TMEM178B: variants seen among roughly 807,000 people sequenced by gnomAD.
The protein encoded by TMEM178B is transmembrane protein 178B.
In TMEM178B, 5 loss-of-function variants were observed where a neutral mutation model predicts 31.0. The observed-to-expected ratio is 0.16, with a 90% CI of 0.08 to 0.34. The LOEUF (loss-of-function observed/expected upper bound fraction) is 0.34. Among genes scored for constraint, TMEM178B ranks in the 10% least tolerant of loss-of-function variants. The pLI, the probability that TMEM178B is intolerant of heterozygous loss-of-function variation, is 1.00. For synonymous variants in TMEM178B, 164 were observed against 164.0 expected (o/e 1.00, Z 0.00); for missense variants, 275 against 400.3 (o/e 0.69, Z 2.67).
chr7:141,435,286 G>T (rs951511600), intron 2 of TMEM178B, among the ~76,000 whole-genome samples: 1 of 152,226 alleles, frequency 6.6e-6, no homozygotes, highest in Non-Finnish European at 1.5e-5. Context: ...TATACATCCT[G>T]TTTAAGGAAG....
intron 1 of TMEM178B, among the ~76,000 whole-genome samples, chr7:141,139,766 G>GTT (rs111634848): frequency 1.1e-4 from 16 of 144,724 alleles, no homozygotes; most frequent in Non-Finnish European, 1.7e-4. Context: ...TTAGAATGAA[G>GTT]TTTTTTTTTT....
Position 141,192,886 on chromosome 7 carries a change from T to A in TMEM178B, c.383-19705T>A, listed in dbSNP as rs546929802. On this transcript the variant is annotated intron_variant, in intron 1 of 3. Coordinates refer to ENST00000565468, the MANE Select transcript of TMEM178B (RefSeq NM_001195278.2). ...CATCTCTGCGATGTGCGTTTTGAAGTCCTAATTCCCAGGGGGGAGGCATCT... is the reference window on the plus strand; with the variant it reads ...CATCTCTGCGATGTGCGTTTTGAAGACCTAATTCCCAGGGGGGAGGCATCT... 2.6e-5 allele frequency among the ~76,000 whole-genome samples: 4 copies of A among 152,366 alleles called. No homozygotes were observed. The East Asian group carries it at 5.8e-4, about 22-fold the overall frequency.
At chr7:141,321,824 AT>A (rs1159749308) in intron 2 of TMEM178B, among the ~76,000 whole-genome samples, 3 of 121,874 alleles carry the variant, frequency 2.5e-5, no homozygotes, top group South Asian at 2.9e-4. Flanking sequence ...CTTGTCCAAC[AT>A]TAAAAAAAAA....
intron 1 of TMEM178B, among the ~76,000 whole-genome samples, chr7:141,085,784 C>T (rs1447742768): frequency 6.6e-6 from 1 of 152,052 alleles, no homozygotes; most frequent in Admixed American, 6.5e-5. Context: ...TCAGGCGATG[C>T]TGCCTGCTCA....
chr7:141,230,028 A>G (rs1006141508), intron 2 of TMEM178B, among the ~76,000 whole-genome samples: 6 of 152,302 alleles, frequency 3.9e-5, no homozygotes, highest in Non-Finnish European at 7.3e-5. Flanking sequence ...TTCCCTTGTC[A>G]TCAAACTCTT....
chr7:141,336,129 T>C (rs1311995594), intron 2 of TMEM178B, among the ~76,000 whole-genome samples: 1 of 152,080 alleles, frequency 6.6e-6, no homozygotes, highest in East Asian at 1.9e-4. Flanking sequence ...ACTGGAAGAA[T>C]CTCGCTGGCC....
chr7:141,420,850 TAA>T (rs1042537634), intron 2 of TMEM178B, among the ~76,000 whole-genome samples: 13 of 152,340 alleles, frequency 8.5e-5, no homozygotes, highest in Admixed American at 7.8e-4. Context: ...TCTCTTGAGA[TAA>T]AGACAGGCTG....
chr7:141,250,938 C>T (rs573833013), intron 2 of TMEM178B, among the ~76,000 whole-genome samples: 1 of 152,274 alleles, frequency 6.6e-6, no homozygotes, highest in South Asian at 2.1e-4. Flanking sequence ...AACAGAAGGG[C>T]ATTTCTCAGC....
chr7:141,424,893 TC>T (rs1482130749), intron 2 of TMEM178B, among the ~76,000 whole-genome samples: 1 of 152,322 alleles, frequency 6.6e-6, no homozygotes, highest in African/African-American at 2.4e-5. Flanking sequence ...TGATTGAATG[TC>T]CAGTTCCCTT....
chr7:141,339,003 C>T (rs773557225), intron 2 of TMEM178B, among the ~76,000 whole-genome samples: 7 of 151,942 alleles, frequency 4.6e-5, no homozygotes, highest in African/African-American at 7.3e-5. Flanking sequence ...ACTTCCATGG[C>T]GGGTGTTGGG....
chr7:141,359,616 T>C (rs1222864861), intron 2 of TMEM178B, among the ~76,000 whole-genome samples: 1 of 152,164 alleles, frequency 6.6e-6, no homozygotes, highest in Non-Finnish European at 1.5e-5. Context: ...TCCAGGTCCA[T>C]CTTGGAGTTC....
chr7:141,116,162 A>G (rs140561201), intron 1 of TMEM178B, among the ~76,000 whole-genome samples: 32 of 152,278 alleles, frequency 2.1e-4, no homozygotes, highest in African/African-American at 7.5e-4. Flanking sequence ...ACAGCTGGCC[A>G]TGACTGAATG....
chr7:141,448,903 C>T (rs576161857), intron 3 of TMEM178B, among the ~76,000 whole-genome samples: 1 of 152,220 alleles, frequency 6.6e-6, no homozygotes, highest in South Asian at 2.1e-4. Flanking sequence ...CACGGACAGA[C>T]AAGCAAGGTG....
intron 3 of TMEM178B, among the ~76,000 whole-genome samples, chr7:141,440,050 G>T (rs1339327783): frequency 6.6e-6 from 1 of 152,256 alleles, no homozygotes; most frequent in East Asian, 1.9e-4. Context: ...CAACAGATGT[G>T]ACTGTGGTAG....
intron 1 of TMEM178B, among the ~76,000 whole-genome samples, chr7:141,086,021 A>C (rs1794782369): frequency 6.6e-6 from 1 of 152,104 alleles, no homozygotes; most frequent in Admixed American, 6.5e-5. Context: ...TATATTTGAA[A>C]TACATGTATT....
At position 141,171,840 on chromosome 7, in the gene TMEM178B, GTGAA is replaced by G. The variant is rs72192328; in HGVS notation, c.383-40726_383-40723del. On this transcript the variant is annotated intron_variant, in intron 1 of 3. Coordinates refer to ENST00000565468, the MANE Select transcript of TMEM178B (RefSeq NM_001195278.2). The surrounding 1 kb of genome is among the most constrained non-coding windows in gnomAD (Gnocchi z 4.3). ...TTTATCAGGCTCTCAATACACATTT[GTGAA>G]TGAATGAATGAATGAATGAATGAAG... Among the ~76,000 whole-genome samples, 13 of 151,296 alleles carry G rather than the reference GTGAA, an allele frequency of 8.6e-5. No homozygotes were observed. Among genetic ancestry groups the G allele is most frequent in the African/African-American group, 2.7e-4 (11 of 41,230 alleles).
chr7:141,431,135 A>C (rs1801420226), intron 2 of TMEM178B: 1 of 150,942 alleles, frequency 6.6e-6, no homozygotes, highest in African/African-American at 2.4e-5. Context: ...TACCATCGCA[A>C]CAAGGTCTAA....
rs142342997 is a variant in TMEM178B at position 141,448,347 on chromosome 7, G to A, written c.634+10602G>A. On this transcript the variant is annotated intron_variant, in intron 3 of 3. Transcript: ENST00000565468. ...ATTTCAATGTGGACATGTGATTAACGTTGGGTATGAATAATTAGATAATGA... is the reference window on the plus strand; with the variant it reads ...ATTTCAATGTGGACATGTGATTAACATTGGGTATGAATAATTAGATAATGA... 2.3e-4 allele frequency among the ~76,000 whole-genome samples: 35 copies of A among 152,208 alleles called. 1 individual carries two copies. In the East Asian group the frequency reaches 5.2e-3, roughly 23 times the overall value.
At chr7:141,365,081 G>C (rs1642920227) in intron 2 of TMEM178B, among the ~76,000 whole-genome samples, 1 of 152,248 alleles carries the variant, frequency 6.6e-6, no homozygotes, top group Admixed American at 6.5e-5. Flanking sequence ...TGGGGGGCCT[G>C]TAGGCCCGTC....
Sources: gnomAD v4.1 joint callset for allele counts (sites outside exome capture counted in the v4.1 genomes callset) on GRCh38, gnomAD v4.1.1 for gene constraint, Gnocchi (gnomAD v3.1) non-coding constraint, MANE v1.5 for transcripts, NCBI Gene and HGNC (gene_info 2026-07-23, HGNC 2026-07-21) for gene names.